Variants in PPWD1 observed in about 807,000 individuals in gnomAD.
PPWD1 encodes the protein peptidylprolyl isomerase domain and WD repeat-containing protein 1.
PPWD1 carries 43 observed loss-of-function variants against 68.8 expected under a neutral mutation model. That is an observed-to-expected ratio of 0.62 (90% CI 0.49 to 0.81). The LOEUF (loss-of-function observed/expected upper bound fraction) is 0.81, where lower values mean the gene tolerates loss of function less well. Ranked by LOEUF, PPWD1 falls within the 30% of genes least tolerant of loss-of-function variation. The pLI, the probability that PPWD1 is intolerant of heterozygous loss-of-function variation, is 0.00. For missense variants in PPWD1, 672 were observed against 804.8 expected (o/e 0.83, Z 2.00); for synonymous variants, 232 against 258.7 (o/e 0.90, Z 0.99).
intron 6 of PPWD1, 97 bp from the exon 7 acceptor site, chr5:65,579,327 A>G: frequency 7.3e-7 from 1 of 1,364,836 alleles, no homozygotes; most frequent in East Asian, 2.8e-5. Flanking sequence ...TTTTGTACAT[A>G]GATAAGATAG....
chr5:65,571,922 A>G lies in PPWD1; in HGVS notation c.605A>G (p.Lys202Arg). ...SVAASEKSTGKIFIYDGRGDN... is the reference protein window; with the variant it reads ...SVAASEKSTGRIFIYDGRGDN... ...GCTGCTTCCGAAAAGAGTACAGGAA[A>G]AATTTTCATTTATGATGGCCGAGGA... is the stretch of plus-strand genomic sequence containing the variant. The change falls in exon 5 of 11, where the codon AAA becomes AGA. Residue 202 changes from lysine (K) to arginine (R), a missense_variant. Lys to Arg is a conservative substitution (Grantham distance 26, BLOSUM62 2). Coordinates refer to ENST00000261308, the MANE Select transcript of PPWD1 (RefSeq NM_015342.4). 3 of 1,614,126 alleles carry G rather than the reference A, an allele frequency of 1.9e-6. No homozygotes were observed. The highest frequency in any genetic ancestry group is 2.5e-6 in the Non-Finnish European group (3 of 1,180,006).
chr5:65,585,010 A>C lies in PPWD1; in HGVS notation c.1533-4A>C, dbSNP rs778246277. ...TTTCATATTTGTAACATATGTCTTA[A>C]TAGGTGCCCTAAGACAGTGGAAAAC... On this transcript the variant is annotated splice_region_variant and splice_polypyrimidine_tract_variant and intron_variant, in intron 8 of 10. Coordinates refer to ENST00000261308, the MANE Select transcript of PPWD1 (RefSeq NM_015342.4). 1 of 1,610,368 alleles carries C rather than the reference A, an allele frequency of 6.2e-7. No individual in the cohort carries two copies. The highest frequency in any genetic ancestry group is 8.5e-7 in the Non-Finnish European group (1 of 1,177,420).
chr5:65,585,188 A>G, intron 9 of PPWD1, 93 bp downstream of exon 9: 2 of 1,279,940 alleles, frequency 1.6e-6, no homozygotes, highest in South Asian at 1.4e-5. Context: ...CTCACACTTA[A>G]TCAGTTTAGT....
Position 65,587,412 on chromosome 5 carries a change from A to G in PPWD1, c.*16A>G. 16 of 1,580,048 alleles carry G rather than the reference A, an allele frequency of 1.0e-5. No individual in the cohort carries two copies. The highest frequency in any genetic ancestry group is 1.4e-5 in the Non-Finnish European group (16 of 1,153,268). On this transcript the variant is annotated 3_prime_UTR_variant, in exon 11 of 11. Transcript: ENST00000261308. The stretch of plus-strand genomic sequence containing the variant: ...TGTCAAGTAAAATAAGATTTGTTTT[A>G]ATGTACTTGCAAATAAAAATACAAT...
Position 65,571,846 on chromosome 5 carries a change from C to G in PPWD1, c.529C>G (p.Pro177Ala). The change falls in exon 5 of 11, where the codon CCT becomes GCT. Residue 177 changes from proline (P) to alanine (A), a missense_variant. This residue lies in a region of PPWD1 where 484 missense variants were observed against 646.2 expected (regional missense o/e 0.75). Transcript: ENST00000261308. ...MINMLKLGYFPGQCEWIYCPG... is the reference protein window; with the variant it reads ...MINMLKLGYFAGQCEWIYCPG... ...AATTCTTTACGATTTTAGCTATTTT[C>G]CTGGACAGTGTGAGTGGATCTATTG... 1 of 1,613,138 alleles carries G rather than the reference C, an allele frequency of 6.2e-7. No homozygotes were observed. Among genetic ancestry groups the G allele is most frequent in the Non-Finnish European group, 8.5e-7 (1 of 1,179,430 alleles).
Position 65,567,500 on chromosome 5 carries a change from T to C in PPWD1, c.197-13T>C, listed in dbSNP as rs1293894536. The C allele has an allele frequency of 6.3e-7, 1 of 1,590,542 alleles. No homozygotes were observed. Among genetic ancestry groups the C allele is most frequent in the Non-Finnish European group, 8.5e-7 (1 of 1,169,606 alleles). On this transcript the variant is annotated splice_polypyrimidine_tract_variant and intron_variant, in intron 1 of 10. Transcript: ENST00000261308. ...TTAAAAATAGATCTTATACTTTACT[T>C]TTTTTTCTTCAGTCTTAGAGTTTGA... is the stretch of plus-strand genomic sequence containing the variant.
chr5:65,578,688 TTG>T (rs1365731932), intron 6 of PPWD1, among the ~76,000 whole-genome samples: 1 of 148,996 alleles, frequency 6.7e-6, no homozygotes, highest in Non-Finnish European at 1.5e-5. Flanking sequence ...GTTCTTATTG[TTG>T]TGTTTTAAGA....
At chr5:65,577,460 C>G (rs180689739) in intron 6 of PPWD1, among the ~76,000 whole-genome samples, 2 of 152,258 alleles carry the variant, frequency 1.3e-5, no homozygotes, top group East Asian at 3.9e-4. Context: ...ATGCATGAAA[C>G]CACAGTAAGC....
chr5:65,579,109 G>A (rs1288452474), intron 6 of PPWD1, among the ~76,000 whole-genome samples: 1 of 151,922 alleles, frequency 6.6e-6, no homozygotes, highest in African/African-American at 2.4e-5. Flanking sequence ...TGGCGATGGG[G>A]TTTCACCACG....
intron 7 of PPWD1, among the ~76,000 whole-genome samples, chr5:65,581,621 A>G (rs1288516785): frequency 6.6e-6 from 1 of 152,210 alleles, no homozygotes; most frequent in African/African-American, 2.4e-5. Context: ...ATTTCTTGAT[A>G]TACACTCAAA....
At chr5:65,585,942 C>T (rs1457470274) in intron 9 of PPWD1, 57 bp from the exon 10 acceptor site, 14 of 1,566,142 alleles carry the variant, frequency 8.9e-6, no homozygotes, top group Non-Finnish European at 1.2e-5. Flanking sequence ...AATAAAACTT[C>T]AAAGCGTACA....
intron 9 of PPWD1, 134 bp from the exon 10 acceptor site, chr5:65,585,865 A>C (rs1753820131): frequency 7.4e-7 from 1 of 1,356,462 alleles, no homozygotes; most frequent in South Asian, 1.7e-5. Flanking sequence ...TTAAGTGTTA[A>C]GGGTTTAATC....
intron 10 of PPWD1, among the ~76,000 whole-genome samples, chr5:65,586,662 T>G (rs1016566718): frequency 6.6e-5 from 10 of 152,166 alleles, no homozygotes; most frequent in African/African-American, 2.4e-4. Context: ...TTACCTAGTT[T>G]TTGTTTTGGA....
chr5:65,569,490 A>G, intron 2 of PPWD1, 142 bp from the exon 3 acceptor site: 1 of 940,412 alleles, frequency 1.1e-6, no homozygotes, highest in South Asian at 2.3e-5. Flanking sequence ...TCTGTAATAT[A>G]GTGGTCTGCT....
At chr5:65,584,840 A>T in intron 8 of PPWD1, 174 bp from the exon 9 acceptor site, 2 of 507,034 alleles carry the variant, frequency 3.9e-6, no homozygotes, top group Non-Finnish European at 5.1e-6. Flanking sequence ...TATACTACTT[A>T]CATGACCCTC....
rs564105938 is a variant in PPWD1, at chr5:65,585,992, T to C, written c.1615-7T>C. 20 of 1,610,238 alleles carry C rather than the reference T, an allele frequency of 1.2e-5. No homozygotes were observed. The highest frequency in any genetic ancestry group is 1.7e-5 in the Non-Finnish European group (20 of 1,177,820). Reference sequence around the variant, plus strand: ...CAATGTAATGTTTTTGTGTACTTTCTGTTAAGGGCTTTATGATTCAGACTG... The same window carrying C: ...CAATGTAATGTTTTTGTGTACTTTCCGTTAAGGGCTTTATGATTCAGACTG... On this transcript the variant is annotated splice_region_variant and splice_polypyrimidine_tract_variant and intron_variant, in intron 9 of 10. Transcript: ENST00000261308.
chr5:65,574,847 T>G (rs957633506), intron 5 of PPWD1, among the ~76,000 whole-genome samples: 6 of 152,230 alleles, frequency 3.9e-5, no homozygotes, highest in Non-Finnish European at 8.8e-5. Context: ...GCTTAAATGA[T>G]TAGCCTGAGG....
In PPWD1 at chr5:65,583,122, A is replaced by G; in HGVS notation, c.1435A>G (p.Met479Val). Reference protein sequence around the residue: ...FNEKPSKEEVMAATQAEGPKR... With the variant: ...FNEKPSKEEVVAATQAEGPKR... ...TGAGAAACCTTCTAAAGAAGAAGTC[A>G]TGGCAGCTACTCAAGCTGAAGGACC... Residue 479 changes from methionine (M) to valine (V), a missense_variant, in exon 8 of 11, where the codon ATG (methionine) becomes GTG (valine). Met to Val is a conservative substitution (Grantham distance 21). Transcript: ENST00000261308. 6 of 1,613,792 alleles carry G rather than the reference A, an allele frequency of 3.7e-6. No homozygotes were observed. Among genetic ancestry groups the G allele is most frequent in the Non-Finnish European group, 5.1e-6 (6 of 1,179,874 alleles).
chr5:65,578,623 A>G (rs1358318327), intron 6 of PPWD1, among the ~76,000 whole-genome samples: 5 of 151,668 alleles, frequency 3.3e-5, no homozygotes, highest in South Asian at 2.1e-4. Flanking sequence ...CCATTTGTAT[A>G]TCTCTTTGAT....
Sources: allele counts gnomAD v4.1 joint callset (sites outside exome capture counted in the v4.1 genomes callset), GRCh38; gene constraint gnomAD v4.1.1; regional missense constraint gnomAD v4.1.1; transcripts MANE v1.5; gene names NCBI Gene and HGNC (gene_info 2026-07-23, HGNC 2026-07-21).